MYO1H: variants seen among roughly 807,000 people sequenced by gnomAD.
The protein encoded by MYO1H is myosin IH, also known as unconventional myosin-Ih.
A neutral mutation model predicts 149.3 loss-of-function variants in MYO1H; 118 were observed. The ratio of observed to expected loss-of-function variants is 0.79; its 90% CI spans 0.68 to 0.92. MYO1H has a LOEUF of 0.92. Among genes scored for constraint, MYO1H ranks in the 40% least tolerant of loss-of-function variants. MYO1H has a pLI of 0.00. For missense variants in MYO1H, 1,212 were observed against 1,280.7 expected, an observed-to-expected ratio of 0.95 and a Z score of 0.82; for synonymous variants, 447 against 465.2, an observed-to-expected ratio of 0.96 and a Z score of 0.50.
chr12:109,443,046 GTATATATGTGTACGTA>G (rs1592823106), intron 27 of MYO1H, among the ~76,000 whole-genome samples: 3 of 66,966 alleles, frequency 4.5e-5, no homozygotes, highest in African/African-American at 1.9e-4. Context: ...GTGTGTGTGT[GTATATATGTGTACGTA>G]TGTGTGTATA....
At chr12:109,417,460 T>G (rs1245388296) in intron 15 of MYO1H, among the ~76,000 whole-genome samples, 1 of 151,888 alleles carries the variant, frequency 6.6e-6, no homozygotes, top group Non-Finnish European at 1.5e-5. Context: ...CCCAAGTAGC[T>G]GGGACTACAG....
At chr12:109,445,066 C>T (rs1182536456) in intron 30 of MYO1H, among the ~76,000 whole-genome samples, 4 of 152,120 alleles carry the variant, frequency 2.6e-5, no homozygotes, top group African/African-American at 4.8e-5. Context: ...GAAATGAAGT[C>T]AGTGAAGGCA....
the MYO1H span, among the ~76,000 whole-genome samples, chr12:109,312,381 T>TTTTTG: frequency 0.074 from 11,232 of 150,930 alleles, 493 homozygotes; most frequent in East Asian, 0.15. Context: ...CCCAGCTAAT[T>TTTTTG]TTTTGTTTTG....
chr12:109,371,213 C>CTTTTTTT (rs34350111), intron 1 of MYO1H, among the ~76,000 whole-genome samples: 16 of 118,338 alleles, frequency 1.4e-4, no homozygotes, highest in South Asian at 2.8e-4. Context: ...TTTTTTCTTT[C>CTTTTTTT]TTTTTTTTTT....
chr12:109,441,768 G>T, intron 26 of MYO1H, 60 bp downstream of exon 26: 1 of 1,223,100 alleles, frequency 8.2e-7, no homozygotes, highest in South Asian at 1.4e-5. Context: ...GTTAAAGGGT[G>T]GGGTGCGGTG....
intron 22 of MYO1H, among the ~76,000 whole-genome samples, chr12:109,437,603 G>A (rs1014993676): frequency 6.6e-6 from 1 of 152,180 alleles, no homozygotes; most frequent in African/African-American, 2.4e-5. Context: ...ACAGGGCTGT[G>A]TAGAGATAAA....
chr12:109,427,987 G>A (rs1479650446), intron 19 of MYO1H, among the ~76,000 whole-genome samples: 4 of 133,322 alleles, frequency 3.0e-5, no homozygotes, highest in Admixed American at 1.5e-4. Context: ...TCAGAAGGCT[G>A]AGGTGGGAGG....
At chr12:109,330,447 C>T in the MYO1H span, among the ~76,000 whole-genome samples, 3 of 152,292 alleles carry the variant, frequency 2.0e-5, no homozygotes, top group Non-Finnish European at 2.9e-5. Context: ...ACACATGTCT[C>T]GCAAGGTTAC....
intron 1 of MYO1H, among the ~76,000 whole-genome samples, chr12:109,386,377 T>A (rs773939401): frequency 2.0e-5 from 3 of 152,090 alleles, no homozygotes; most frequent in Non-Finnish European, 4.4e-5. Flanking sequence ...TACTTAGGAG[T>A]GGAATCGCTG....
chr12:109,338,827 C>T, the MYO1H span, among the ~76,000 whole-genome samples: 1 of 150,632 alleles, frequency 6.6e-6, no homozygotes, highest in Non-Finnish European at 1.5e-5. Context: ...TTCTGCTTCA[C>T]ACCCATCTTG....
the MYO1H span, among the ~76,000 whole-genome samples, chr12:109,317,450 A>C: frequency 6.6e-6 from 1 of 152,248 alleles, no homozygotes; most frequent in Non-Finnish European, 1.5e-5. Flanking sequence ...ATTTGATTTC[A>C]GATGCAAAGA....
intron 21 of MYO1H, among the ~76,000 whole-genome samples, chr12:109,435,543 A>T (rs1871823049): frequency 6.6e-6 from 1 of 152,214 alleles, no homozygotes; most frequent in African/African-American, 2.4e-5. Context: ...AAAGTAAAAA[A>T]TCAAAACTGC....
At chr12:109,445,118 G>A (rs999428805) in intron 30 of MYO1H, among the ~76,000 whole-genome samples, 2 of 152,194 alleles carry the variant, frequency 1.3e-5, no homozygotes, top group Admixed American at 6.5e-5. Flanking sequence ...ATCCTGTGCT[G>A]TTCCAAGTTT....
intron 1 of MYO1H, among the ~76,000 whole-genome samples, chr12:109,361,461 A>G (rs1868746702): frequency 6.6e-6 from 1 of 152,232 alleles, no homozygotes; most frequent in Admixed American, 6.5e-5. Flanking sequence ...AAGCATCTAG[A>G]TGATTCTAAC....
chr12:109,447,146 G>T lies in MYO1H; in HGVS notation c.3094-13G>T. On this transcript the variant is annotated splice_polypyrimidine_tract_variant and intron_variant, in intron 31 of 31. Transcript: ENST00000310903. ...GGGGAAGGGCTGTAAACCGAAGTGT[G>T]ACTCTCTCCCAGGTGTCAGTCCGGA... is the stretch of plus-strand genomic sequence containing the variant. The T allele has an allele frequency of 6.3e-7, 1 of 1,596,326 alleles. No homozygotes were observed. Among genetic ancestry groups the T allele is most frequent in the Non-Finnish European group, 8.5e-7 (1 of 1,170,664 alleles).
intron 1 of MYO1H, among the ~76,000 whole-genome samples, chr12:109,368,816 C>T (rs1255138733): frequency 6.6e-6 from 1 of 151,848 alleles, no homozygotes; most frequent in Non-Finnish European, 1.5e-5. Flanking sequence ...CCCCTCTCTT[C>T]CTTCCCCCTC....
intron 5 of MYO1H, among the ~76,000 whole-genome samples, chr12:109,400,230 A>G (rs1401891070): frequency 6.6e-6 from 1 of 152,140 alleles, no homozygotes; most frequent in Non-Finnish European, 1.5e-5. Flanking sequence ...AGCACTTTGA[A>G]CATCCTTGCA....
At chr12:109,430,252 A>G (rs577404265) in intron 19 of MYO1H, among the ~76,000 whole-genome samples, 1 of 152,256 alleles carries the variant, frequency 6.6e-6, no homozygotes, top group African/African-American at 2.4e-5. Context: ...GCAAGGGGAG[A>G]TTCACGGGAT....
intron 6 of MYO1H, 185 bp downstream of exon 6, chr12:109,401,457 T>C (rs1249773276): frequency 1.3e-5 from 8 of 596,210 alleles, no homozygotes; most frequent in Non-Finnish European, 2.2e-5. Flanking sequence ...GGCAGCTATA[T>C]CACCTTGGTA....
Sources: allele counts gnomAD v4.1 joint callset (sites outside exome capture counted in the v4.1 genomes callset), GRCh38; gene constraint gnomAD v4.1.1; transcripts MANE v1.5; gene names NCBI Gene and HGNC (gene_info 2026-07-23, HGNC 2026-07-21).